The following PDE4D variants were observed in gnomAD, a reference collection of about 807,000 sequenced individuals.
PDE4D encodes the protein 3',5'-cyclic-AMP phosphodiesterase 4D.
In PDE4D, 24 loss-of-function variants were observed where a neutral mutation model predicts 87.4. That is an observed-to-expected ratio of 0.27 (90% CI 0.20 to 0.39). PDE4D has a LOEUF of 0.39. Ranked by LOEUF, PDE4D falls within the 10% of genes least tolerant of loss-of-function variation. PDE4D has a pLI of 1.00. For synonymous variants in PDE4D, 384 were observed against 383.2 expected, an observed-to-expected ratio of 1.00 and a Z score of -0.02; for missense variants, 714 against 1,041.0, an observed-to-expected ratio of 0.69 and a Z score of 4.32.
chr5:59,961,762 T>A (rs1016085082), intron 3 of PDE4D, among the ~76,000 whole-genome samples: 3 of 152,020 alleles, frequency 2.0e-5, no homozygotes, highest in African/African-American at 7.3e-5. Context: ...GTATTGTTAG[T>A]GGAAAGTGCT....
At chr5:59,610,814 G>A (rs565501318) in intron 1 of PDE4D, among the ~76,000 whole-genome samples, 6 of 152,270 alleles carry the variant, frequency 3.9e-5, no homozygotes, top group Middle Eastern at 3.4e-3. Flanking sequence ...AGGCTATGGA[G>A]AATAATTAAA....
chr5:60,152,408 C>A (rs1350297987), intron 2 of PDE4D, among the ~76,000 whole-genome samples: 1 of 152,048 alleles, frequency 6.6e-6, no homozygotes, highest in Non-Finnish European at 1.5e-5. Flanking sequence ...AATCCCAGTA[C>A]TTTGGGAGGC....
intron 1 of PDE4D, among the ~76,000 whole-genome samples, chr5:60,212,571 T>C (rs952239868): frequency 3.3e-5 from 5 of 152,068 alleles, no homozygotes; most frequent in African/African-American, 1.2e-4. Context: ...CAGAGTTCAG[T>C]TTTTCCTAGT....
At chr5:60,367,451 C>CA (rs34724141) in intron 1 of PDE4D, among the ~76,000 whole-genome samples, 15,738 of 131,712 alleles carry the variant, frequency 0.12, 1,678 homozygotes, top group African/African-American at 0.29. Context: ...AACTCCATAT[C>CA]AAAAAAAAAA....
At chr5:59,152,580 A>G (rs1779617941) in intron 5 of PDE4D, among the ~76,000 whole-genome samples, 1 of 152,216 alleles carries the variant, frequency 6.6e-6, no homozygotes, top group Non-Finnish European at 1.5e-5. Flanking sequence ...CGAAGGATAC[A>G]TGAAGCTAAA....
chr5:60,490,249 A>G (rs576435918), upstream of PDE4D: 6 of 152,276 alleles, frequency 3.9e-5, no homozygotes, highest in South Asian at 1.0e-3. Flanking sequence ...TCCTATAATC[A>G]TAATAATCAT....
At chr5:58,984,599 CAAAAT>C in intron 11 of PDE4D, among the ~76,000 whole-genome samples, 1 of 152,010 alleles carries the variant, frequency 6.6e-6, no homozygotes, top group East Asian at 1.9e-4. Flanking sequence ...ATTTTAATTT[CAAAAT>C]AAAAGTAGAG....
chr5:59,094,567 T>A (rs932510214), intron 5 of PDE4D, among the ~76,000 whole-genome samples: 5 of 151,818 alleles, frequency 3.3e-5, no homozygotes, highest in African/African-American at 1.2e-4. Context: ...TGGATAAAAA[T>A]GCAGACCAAG....
intron 2 of PDE4D, among the ~76,000 whole-genome samples, chr5:60,141,687 C>T (rs1780549569): frequency 6.6e-6 from 1 of 152,128 alleles, no homozygotes; most frequent in Admixed American, 6.6e-5. Flanking sequence ...CTACTTCTTG[C>T]CTTCCTGTGG....
chr5:59,666,231 G>C (rs949453581), intron 1 of PDE4D, among the ~76,000 whole-genome samples: 4 of 152,164 alleles, frequency 2.6e-5, no homozygotes, highest in Admixed American at 1.3e-4. Flanking sequence ...AAAGTGCTGA[G>C]ATTACAGCCG....
chr5:59,777,561 C>T (rs745335093), intron 1 of PDE4D, among the ~76,000 whole-genome samples: 1 of 152,136 alleles, frequency 6.6e-6, no homozygotes, highest in South Asian at 2.1e-4. Flanking sequence ...GGGTGAGGCT[C>T]GAGCTCCTGA....
chr5:59,482,153 C>T (rs1582808935), intron 1 of PDE4D, among the ~76,000 whole-genome samples: 2 of 152,266 alleles, frequency 1.3e-5, no homozygotes, highest in South Asian at 2.1e-4. Context: ...CATACCCTCT[C>T]CAGCTTGTGA....
intron 1 of PDE4D, among the ~76,000 whole-genome samples, chr5:59,783,112 A>C (rs116475674): frequency 0.013 from 2,013 of 152,280 alleles, 51 homozygotes; most frequent in African/African-American, 0.046. Flanking sequence ...CAGAAACTAA[A>C]ATGAGGAGAA....
intron 1 of PDE4D, among the ~76,000 whole-genome samples, chr5:59,222,719 T>C (rs922579829): frequency 6.6e-5 from 10 of 152,214 alleles, no homozygotes; most frequent in African/African-American, 2.4e-4. Flanking sequence ...ATTTAAGAGT[T>C]AGAAAACACA....
chr5:60,207,449 A>T (rs1394545407), intron 1 of PDE4D, among the ~76,000 whole-genome samples: 1 of 152,222 alleles, frequency 6.6e-6, no homozygotes, highest in East Asian at 1.9e-4. Context: ...GATGAATAAC[A>T]TGGAGGGTAG....
At chr5:59,315,738 C>G (rs1376723084) in intron 1 of PDE4D, among the ~76,000 whole-genome samples, 1 of 152,102 alleles carries the variant, frequency 6.6e-6, no homozygotes, top group Admixed American at 6.5e-5. Context: ...TGGTATATGA[C>G]CTTCCTCTGG....
intron 6 of PDE4D, among the ~76,000 whole-genome samples, chr5:59,002,938 G>A (rs1580218809): frequency 6.6e-6 from 1 of 152,136 alleles, no homozygotes; most frequent in East Asian, 1.9e-4. Context: ...AAGATAAGTA[G>A]GTATCAGACA....
chr5:59,789,756 G>T (rs1172072945), intron 1 of PDE4D, among the ~76,000 whole-genome samples: 5 of 152,114 alleles, frequency 3.3e-5, no homozygotes, highest in Non-Finnish European at 5.9e-5. Flanking sequence ...ATCTTTACTT[G>T]CTCCTTCAGG....
upstream of PDE4D, among the ~76,000 whole-genome samples, chr5:60,492,062 A>G (rs1011138448): frequency 6.6e-6 from 1 of 152,080 alleles, no homozygotes; most frequent in Non-Finnish European, 1.5e-5. Flanking sequence ...AGCATGGCAC[A>G]TGTATACATA....
Sources: gnomAD v4.1 joint callset for allele counts (sites outside exome capture counted in the v4.1 genomes callset) on GRCh38, gnomAD v4.1.1 for gene constraint, MANE v1.5 for transcripts, NCBI Gene and HGNC (gene_info 2026-07-23, HGNC 2026-07-21) for gene names.